The following FMNL2 variants were observed in gnomAD, a reference collection of about 807,000 sequenced individuals.
The protein encoded by FMNL2 is formin like 2, also known as formin-like protein 2.
FMNL2 carries 51 observed loss-of-function variants against 130.2 expected under a neutral mutation model. The observed-to-expected ratio is 0.39, with a 90% CI of 0.31 to 0.49. The LOEUF (loss-of-function observed/expected upper bound fraction) is 0.49. Among genes scored for constraint, FMNL2 ranks in the 20% least tolerant of loss-of-function variants. The pLI is 0.85. For missense variants in FMNL2, 977 were observed against 1,316.2 expected, an observed-to-expected ratio of 0.74 and a Z score of 3.99; for synonymous variants, 465 against 467.1, an observed-to-expected ratio of 1.00 and a Z score of 0.06.
intron 1 of FMNL2, among the ~76,000 whole-genome samples, chr2:152,443,724 T>TC (rs1688186927): frequency 6.6e-6 from 1 of 152,038 alleles, no homozygotes. Context: ...GCATCTGTAA[T>TC]CCCAGGTACT....
intron 1 of FMNL2, among the ~76,000 whole-genome samples, chr2:152,433,729 A>G (rs1384429717): frequency 6.6e-6 from 1 of 152,190 alleles, no homozygotes; most frequent in Non-Finnish European, 1.5e-5. Context: ...ATTTACTAAT[A>G]TGAGCTGTGA....
intron 1 of FMNL2, among the ~76,000 whole-genome samples, chr2:152,367,097 A>C (rs1306956218): frequency 7.4e-6 from 1 of 135,146 alleles, no homozygotes; most frequent in Non-Finnish European, 1.6e-5. Flanking sequence ...TTTTTCCCAG[A>C]TGGGGTCTTG....
intron 23 of FMNL2, among the ~76,000 whole-genome samples, chr2:152,638,943 G>A (rs776979190): frequency 3.9e-5 from 6 of 152,240 alleles, no homozygotes; most frequent in Non-Finnish European, 5.9e-5. Context: ...TGAGGCATCA[G>A]CAGGGATATG....
intron 3 of FMNL2, among the ~76,000 whole-genome samples, chr2:152,548,622 T>C (rs548504792): frequency 6.6e-5 from 10 of 152,344 alleles, no homozygotes; most frequent in Middle Eastern, 3.4e-3. Context: ...TTCTCTTTGC[T>C]GATCTTGCTT....
At chr2:152,536,584 C>T (rs1402838688) in intron 2 of FMNL2, among the ~76,000 whole-genome samples, 2 of 152,130 alleles carry the variant, frequency 1.3e-5, no homozygotes, top group Non-Finnish European at 2.9e-5. Flanking sequence ...GATAATAAAA[C>T]ATTAATACTC....
chr2:152,480,901 A>G (rs529446327), intron 1 of FMNL2, among the ~76,000 whole-genome samples: 2 of 152,280 alleles, frequency 1.3e-5, no homozygotes, highest in Non-Finnish European at 2.9e-5. Context: ...TTCCTCTTCA[A>G]GGACTCATTT....
chr2:152,548,825 A>AT (rs1694787700), intron 3 of FMNL2, among the ~76,000 whole-genome samples, 196 bp from the exon 4 acceptor site: 1 of 152,186 alleles, frequency 6.6e-6, no homozygotes, highest in South Asian at 2.1e-4. Context: ...ACATAAAACA[A>AT]GGACTTTTTG....
intron 6 of FMNL2, 124 bp downstream of exon 6, chr2:152,561,159 A>C (rs1695500612): frequency 1.0e-6 from 1 of 982,734 alleles, no homozygotes; most frequent in African/African-American, 1.6e-5. Flanking sequence ...ATTTGCAATG[A>C]CTCTAAATGA....
intron 1 of FMNL2, among the ~76,000 whole-genome samples, chr2:152,461,412 C>T (rs1689242486): frequency 1.3e-5 from 2 of 151,868 alleles, no homozygotes; most frequent in South Asian, 2.1e-4. Flanking sequence ...ACTCCTAATG[C>T]ACATCTCAAT....
At chr2:152,390,212 C>T in intron 1 of FMNL2, 1 of 1,442,818 alleles carries the variant, frequency 6.9e-7, no homozygotes, top group Non-Finnish European at 9.7e-7. Flanking sequence ...GTGTAAACTT[C>T]CGGCTGAAAG....
At chr2:152,537,536 T>G (rs1052122079) in intron 2 of FMNL2, among the ~76,000 whole-genome samples, 1 of 152,244 alleles carries the variant, frequency 6.6e-6, no homozygotes, top group Non-Finnish European at 1.5e-5. Flanking sequence ...GACTAACTTA[T>G]GTCTACTGAA....
chr2:152,466,966 G>C (rs1558886850), intron 1 of FMNL2, among the ~76,000 whole-genome samples: 1 of 152,170 alleles, frequency 6.6e-6, no homozygotes, highest in Non-Finnish European at 1.5e-5. Context: ...TTGAGGCTGT[G>C]AAATATTCTT....
intron 1 of FMNL2, among the ~76,000 whole-genome samples, chr2:152,483,454 C>T (rs1018869391): frequency 6.6e-6 from 1 of 152,152 alleles, no homozygotes; most frequent in Admixed American, 6.5e-5. Flanking sequence ...GTTCAGCTAA[C>T]TACAATTGGA....
chr2:152,346,856 C>T (rs1213785151), intron 1 of FMNL2, among the ~76,000 whole-genome samples: 4 of 151,942 alleles, frequency 2.6e-5, no homozygotes, highest in Non-Finnish European at 4.4e-5. Context: ...CTTTGGGAGG[C>T]CGAGGTGGGC....
At chr2:152,565,835 A>G (rs1166808438) in intron 6 of FMNL2, among the ~76,000 whole-genome samples, 1 of 152,134 alleles carries the variant, frequency 6.6e-6, no homozygotes, top group Non-Finnish European at 1.5e-5. Context: ...GCTGGAGTGC[A>G]GTGGCACGAT....
chr2:152,339,692 G>C (rs1326993356), intron 1 of FMNL2, among the ~76,000 whole-genome samples: 1 of 152,164 alleles, frequency 6.6e-6, no homozygotes, highest in Non-Finnish European at 1.5e-5. Context: ...ATCAGGAACT[G>C]CTTTGGTATC....
At chr2:152,515,960 C>T (rs988852950) in intron 1 of FMNL2, among the ~76,000 whole-genome samples, 1 of 152,116 alleles carries the variant, frequency 6.6e-6, no homozygotes, top group Non-Finnish European at 1.5e-5. Flanking sequence ...TTTAAGATCA[C>T]CCGTAATTAG....
intron 1 of FMNL2, among the ~76,000 whole-genome samples, chr2:152,452,230 T>G (rs983871817): frequency 6.6e-6 from 1 of 152,234 alleles, no homozygotes; most frequent in Non-Finnish European, 1.5e-5. Flanking sequence ...CGTGATAGAT[T>G]GTGAAGAAAA....
chr2:152,376,949 A>G (rs551817866), intron 1 of FMNL2, among the ~76,000 whole-genome samples: 2 of 152,344 alleles, frequency 1.3e-5, no homozygotes, highest in African/African-American at 4.8e-5. Flanking sequence ...GAGGACTGAT[A>G]GAGACCCTGT....
Sources: gnomAD v4.1 joint callset for allele counts (sites outside exome capture counted in the v4.1 genomes callset) on GRCh38, gnomAD v4.1.1 for gene constraint, MANE v1.5 for transcripts, NCBI Gene and HGNC (gene_info 2026-07-23, HGNC 2026-07-21) for gene names.